Variants in HSPA12A observed in about 807,000 individuals in gnomAD.
The protein encoded by HSPA12A is heat shock protein family A (Hsp70) member 12A.
HSPA12A carries 28 observed loss-of-function variants against 69.2 expected under a neutral mutation model. That is an observed-to-expected ratio of 0.40 (90% CI 0.30 to 0.55). The LOEUF is 0.55. Ranked by LOEUF, HSPA12A falls within the 20% of genes least tolerant of loss-of-function variation. HSPA12A has a pLI of 0.38. For synonymous variants in HSPA12A, 345 were observed against 370.5 expected, an observed-to-expected ratio of 0.93 and a Z score of 0.79; for missense variants, 686 against 900.7, an observed-to-expected ratio of 0.76 and a Z score of 3.05.
At chr10:116,761,358 C>T (rs1843967248) in intron 2 of HSPA12A, among the ~76,000 whole-genome samples, 1 of 151,842 alleles carries the variant, frequency 6.6e-6, no homozygotes, top group African/African-American at 2.4e-5. Flanking sequence ...TAGTGGCGCA[C>T]ACCTGTAGTC....
chr10:116,787,269 C>G (rs1844598963), intron 2 of HSPA12A, among the ~76,000 whole-genome samples: 1 of 151,950 alleles, frequency 6.6e-6, no homozygotes, highest in Non-Finnish European at 1.5e-5. Flanking sequence ...TACCCTCTGA[C>G]CAGCAATTCC....
intron 1 of HSPA12A, among the ~76,000 whole-genome samples, chr10:116,733,884 G>A (rs549832318): frequency 6.6e-6 from 1 of 152,208 alleles, no homozygotes; most frequent in Admixed American, 6.5e-5. Context: ...GGTTTATAGG[G>A]ACGTAACCCT....
At chr10:116,731,274 T>C (rs1440843536) in intron 1 of HSPA12A, among the ~76,000 whole-genome samples, 1 of 152,210 alleles carries the variant, frequency 6.6e-6, no homozygotes, top group Non-Finnish European at 1.5e-5. Flanking sequence ...GCCAAAAAGG[T>C]ACCTTTACAG....
At chr10:116,835,867 G>A (rs1312142822) in intron 1 of HSPA12A, among the ~76,000 whole-genome samples, 7 of 152,278 alleles carry the variant, frequency 4.6e-5, no homozygotes, top group Non-Finnish European at 1.0e-4. Context: ...TCAAGCCGGC[G>A]GTGTGTGGTG....
At chr10:116,707,396 C>A in intron 1 of HSPA12A, 111 bp from the exon 2 acceptor site, 1 of 827,460 alleles carries the variant, frequency 1.2e-6, no homozygotes, top group East Asian at 2.7e-5. Context: ...CTCTGCAAAG[C>A]CAGCTCACGA....
chr10:116,674,936 G>A lies in HSPA12A; in HGVS notation c.1873C>T (p.Arg625Cys), dbSNP rs575047261. The change falls in exon 12 of 12, where the codon CGC (arginine) becomes TGC (cysteine). Residue 625 changes from arginine to cysteine, a missense_variant. Coordinates refer to ENST00000369209, the MANE Select transcript of HSPA12A (RefSeq NM_025015.3). ...DPGVKKCGTL[R>C]LDLTGTSGTA... ...CCACTGGTCCCTGTGAGATCCAGGC[G>A]GAGCGTGCCACACTTCTTCACCCCG... 26 of 1,614,116 alleles carry A rather than the reference G, an allele frequency of 1.6e-5. No individual in the cohort carries two copies. The highest frequency in any genetic ancestry group is 1.5e-4 in the African/African-American group (11 of 75,032).
intron 2 of HSPA12A, among the ~76,000 whole-genome samples, chr10:116,828,518 T>C (rs1456105566): frequency 6.6e-6 from 1 of 152,220 alleles, no homozygotes; most frequent in African/African-American, 2.4e-5. Flanking sequence ...GATGAAGTCA[T>C]GTTAAGATTT....
chr10:116,813,462 T>C (rs1042640603), intron 2 of HSPA12A, among the ~76,000 whole-genome samples: 2 of 151,896 alleles, frequency 1.3e-5, no homozygotes, highest in African/African-American at 4.8e-5. Context: ...TTAGCCAGGA[T>C]GGTCTTGATC....
intron 1 of HSPA12A, among the ~76,000 whole-genome samples, chr10:116,737,970 G>A (rs1851364485): frequency 6.6e-6 from 1 of 152,224 alleles, no homozygotes; most frequent in Admixed American, 6.5e-5. Context: ...CAGGCCTGGG[G>A]GTGCCCGCAG....
intron 7 of HSPA12A, 70 bp downstream of exon 7, chr10:116,683,721 C>T: frequency 7.2e-7 from 1 of 1,381,798 alleles, no homozygotes; most frequent in Non-Finnish European, 9.7e-7. Context: ...TTAAAATCAT[C>T]AGAGGGAGAG....
rs897366496 is a variant in HSPA12A at position 116,707,140 on chromosome 10, C to T, written c.126+60G>A. 234 of 1,316,486 alleles carry T rather than the reference C, an allele frequency of 1.8e-4. 4 individuals are homozygous for T. The highest frequency in any genetic ancestry group is 2.3e-4 in the Middle Eastern group (1 of 4,398). The allele number at this position is 1,316,486 out of a possible 1,614,324, so 81.6% of individuals were successfully genotyped here. ...AAGTCAGTACGCACGTGTGCTCATGCGCACCCATGCGCGCACACACACACA... is the reference window on the plus strand; with the variant it reads ...AAGTCAGTACGCACGTGTGCTCATGTGCACCCATGCGCGCACACACACACA... On this transcript the variant is annotated intron_variant, in intron 2 of 11. Coordinates refer to ENST00000369209, the MANE Select transcript of HSPA12A (RefSeq NM_025015.3).
intron 1 of HSPA12A, among the ~76,000 whole-genome samples, chr10:116,715,594 A>C (rs782450750): frequency 6.6e-6 from 1 of 152,214 alleles, no homozygotes; most frequent in Non-Finnish European, 1.5e-5. Flanking sequence ...GATAATGACT[A>C]AAACTGGTGA....
chr10:116,695,952 G>A (rs563321295), intron 5 of HSPA12A, among the ~76,000 whole-genome samples: 160 of 136,262 alleles, frequency 1.2e-3, no homozygotes, highest in Admixed American at 2.0e-3. Flanking sequence ...GTGGTGAGCC[G>A]AGATCGCACT....
At chr10:116,794,980 CTT>C (rs1265966268) in intron 2 of HSPA12A, among the ~76,000 whole-genome samples, 41 of 152,044 alleles carry the variant, frequency 2.7e-4, no homozygotes, top group Admixed American at 2.7e-3. Context: ...TAAGATGTAA[CTT>C]GAGCAGCAGA....
At chr10:116,729,575 CA>C (rs1247383837) in intron 1 of HSPA12A, among the ~76,000 whole-genome samples, 1 of 151,808 alleles carries the variant, frequency 6.6e-6, no homozygotes, top group East Asian at 1.9e-4. Context: ...ATAACATAAA[CA>C]GTCAATTAAC....
intron 5 of HSPA12A, among the ~76,000 whole-genome samples, chr10:116,694,117 G>A (rs996553420): frequency 2.6e-5 from 4 of 152,210 alleles, no homozygotes; most frequent in Admixed American, 2.0e-4. Flanking sequence ...GGAGAGTTTA[G>A]AGGAGCTGTC....
chr10:116,731,566 C>T (rs1053351586), intron 1 of HSPA12A, among the ~76,000 whole-genome samples: 1 of 152,194 alleles, frequency 6.6e-6, no homozygotes. Flanking sequence ...TAGCATGAAA[C>T]TTTTACATGG....
chr10:116,775,394 GAGCCCTGGGGAGGACGGGGGCC>G (rs1170498994), intron 2 of HSPA12A, among the ~76,000 whole-genome samples: 2 of 152,220 alleles, frequency 1.3e-5, no homozygotes, highest in Admixed American at 1.3e-4. Flanking sequence ...CTCTTCTAGA[GAGCCCTGGGGAGGACGGGGGCC>G]AGCCAGTGGG....
chr10:116,719,772 A>G (rs1024931740), intron 1 of HSPA12A, among the ~76,000 whole-genome samples: 6 of 152,202 alleles, frequency 3.9e-5, no homozygotes, highest in African/African-American at 1.4e-4. Context: ...GGTGGGAAAT[A>G]TTTAACAGCA....
Sources: gnomAD v4.1 joint callset for allele counts (sites outside exome capture counted in the v4.1 genomes callset) on GRCh38, gnomAD v4.1.1 for gene constraint, MANE v1.5 for transcripts, NCBI Gene and HGNC (gene_info 2026-07-23, HGNC 2026-07-21) for gene names.